Variants in SHTN1 observed in about 807,000 individuals in gnomAD.
SHTN1 encodes shootin 1.
In SHTN1, 42 loss-of-function variants were observed where a neutral mutation model predicts 83.1. That is an observed-to-expected ratio of 0.51 (90% CI 0.39 to 0.65). SHTN1 has a LOEUF of 0.65. Among genes scored for constraint, SHTN1 ranks in the 30% least tolerant of loss-of-function variants. The pLI, the probability that SHTN1 is intolerant of heterozygous loss-of-function variation, is 0.00. For synonymous variants in SHTN1, 224 were observed against 247.7 expected, an observed-to-expected ratio of 0.90 and a Z score of 0.90; for missense variants, 622 against 737.8, an observed-to-expected ratio of 0.84 and a Z score of 1.82.
intron 1 of SHTN1, among the ~76,000 whole-genome samples, chr10:116,994,880 T>A (rs1481328085): frequency 1.3e-5 from 2 of 152,106 alleles, no homozygotes; most frequent in Non-Finnish European, 2.9e-5. Context: ...ATAAACCCAT[T>A]AGGTTTATTC....
chr10:117,094,356 A>C (rs1428195497), intron 1 of SHTN1, among the ~76,000 whole-genome samples: 1 of 152,194 alleles, frequency 6.6e-6, no homozygotes, highest in Non-Finnish European at 1.5e-5. Flanking sequence ...CTTGCAAAAA[A>C]ATGTTTAATT....
intron 1 of SHTN1, among the ~76,000 whole-genome samples, chr10:117,048,848 C>T (rs1478932541): frequency 6.6e-6 from 1 of 152,092 alleles, no homozygotes; most frequent in African/African-American, 2.4e-5. Context: ...TGGACTTTGC[C>T]CTCTTTAAAA....
chr10:116,897,645 T>G (rs1156435028), intron 16 of SHTN1, among the ~76,000 whole-genome samples: 2 of 152,228 alleles, frequency 1.3e-5, no homozygotes, highest in Non-Finnish European at 2.9e-5. Flanking sequence ...TAAAATGCTT[T>G]TCCTATATGA....
chr10:117,054,324 G>A (rs1589913397), intron 1 of SHTN1, among the ~76,000 whole-genome samples: 1 of 151,980 alleles, frequency 6.6e-6, no homozygotes, highest in East Asian at 1.9e-4. Flanking sequence ...GGCCATGCAA[G>A]TCATGCCTGT....
In SHTN1 at chr10:116,980,081, C is replaced by T. The variant is rs574873764; in HGVS notation, c.59-773G>A. On this transcript the variant is annotated intron_variant, in intron 1 of 16. Transcript: ENST00000355371. ...ATTGCCCCTGCCCAGAAAAAAAAAACGAAACCTAAATCCCCACATTCATCT... is the reference window on the plus strand; with the variant it reads ...ATTGCCCCTGCCCAGAAAAAAAAAATGAAACCTAAATCCCCACATTCATCT... Among the ~76,000 whole-genome samples the T allele has an allele frequency of 2.8e-4, 42 of 149,662 alleles. No individual in the cohort carries two copies. The South Asian group carries it at 8.3e-3, about 30-fold the overall frequency.
intron 13 of SHTN1, among the ~76,000 whole-genome samples, chr10:116,914,446 T>C (rs1049485557): frequency 8.0e-5 from 12 of 150,712 alleles, no homozygotes; most frequent in African/African-American, 2.4e-4. Flanking sequence ...CACTCTAGCC[T>C]GGCGACAGAG....
At chr10:117,067,999 T>C (rs537926142) in intron 1 of SHTN1, among the ~76,000 whole-genome samples, 1 of 152,206 alleles carries the variant, frequency 6.6e-6, no homozygotes, top group East Asian at 1.9e-4. Flanking sequence ...CAAAGCATCT[T>C]TGAGGCCTCC....
At chr10:117,040,890 G>A (rs558636009) in intron 2 of SHTN1, among the ~76,000 whole-genome samples, 1 of 151,260 alleles carries the variant, frequency 6.6e-6, no homozygotes, top group South Asian at 2.1e-4. Context: ...AAATAGTTTT[G>A]TAATTTTATT....
intron 2 of SHTN1, among the ~76,000 whole-genome samples, chr10:117,012,152 A>G (rs540451267): frequency 5.2e-4 from 79 of 151,770 alleles, no homozygotes; most frequent in Middle Eastern, 3.4e-3. Flanking sequence ...AAAAAAAAAA[A>G]AGAGAAAAAG....
At chr10:117,016,325 T>C (rs926212222) in intron 2 of SHTN1, among the ~76,000 whole-genome samples, 14 of 152,210 alleles carry the variant, frequency 9.2e-5, no homozygotes, top group Non-Finnish European at 2.1e-4. Context: ...TGGATGCAAT[T>C]TTCTCTGTTC....
Position 117,066,156 on chromosome 10 carries a change from A to G in SHTN1, c.-188-17646T>C, listed in dbSNP as rs1448512509. ...CCATGTCTAACTAATAACAGGACCT[A>G]TGGAGTTCTTGTTTACTTTTGAAAA... On this transcript the variant is annotated intron_variant, in intron 1 of 17. Coordinates refer to the SHTN1 transcript ENST00000392901. Among the ~76,000 whole-genome samples, 3 of 152,204 alleles carry G rather than the reference A, an allele frequency of 2.0e-5. No homozygotes were observed. In the East Asian group the frequency reaches 5.8e-4, roughly 29 times the overall value.
intron 1 of SHTN1, among the ~76,000 whole-genome samples, chr10:117,068,405 T>G (rs1853034419): frequency 6.6e-6 from 1 of 152,070 alleles, no homozygotes; most frequent in Non-Finnish European, 1.5e-5. Context: ...CGATCTTTAC[T>G]GGGTCCGCCC....
At chr10:116,975,770 T>A (rs545785367) in intron 2 of SHTN1, among the ~76,000 whole-genome samples, 2 of 152,250 alleles carry the variant, frequency 1.3e-5, no homozygotes, top group East Asian at 3.9e-4. Context: ...CTTTTATCCT[T>A]GGGATGCATT....
chr10:116,897,463 T>A (rs1363404773), intron 16 of SHTN1, among the ~76,000 whole-genome samples: 1 of 152,116 alleles, frequency 6.6e-6, no homozygotes, highest in Non-Finnish European at 1.5e-5. Flanking sequence ...TTGCCTCAAT[T>A]TTGGATTAGA....
At chr10:117,121,776 T>G (rs1269153596) in intron 1 of SHTN1, among the ~76,000 whole-genome samples, 1 of 152,122 alleles carries the variant, frequency 6.6e-6, no homozygotes, top group Non-Finnish European at 1.5e-5. Flanking sequence ...CTCACGCCTG[T>G]AATCCCAGCA....
At chr10:117,090,251 G>A (rs919220625) in intron 1 of SHTN1, among the ~76,000 whole-genome samples, 1 of 152,152 alleles carries the variant, frequency 6.6e-6, no homozygotes, top group South Asian at 2.1e-4. Flanking sequence ...ATTCTGACAC[G>A]TGCTACAACA....
chr10:117,055,090 C>T (rs57389221), intron 1 of SHTN1, among the ~76,000 whole-genome samples: 2,565 of 152,166 alleles, frequency 0.017, 63 homozygotes, highest in East Asian at 0.12. Context: ...TCTTACATGG[C>T]AGCAGGAGAG....
rs143477875 is a variant in SHTN1 at position 116,884,868 on chromosome 10, G to A, written c.*1476C>T. 8.9e-4 allele frequency: 137 copies of A among 153,746 alleles called. No individual in the cohort carries two copies. The highest frequency in any genetic ancestry group is 1.7e-3 in the Non-Finnish European group (118 of 68,990). 9.5% of individuals were successfully genotyped at this position (153,746 alleles called of 1,614,324 possible). ...TTCAAATTACAGCATAACAGAATTCGTTTCGTGAATTAATGCAGTCTGTAG... is the reference window on the plus strand; with the variant it reads ...TTCAAATTACAGCATAACAGAATTCATTTCGTGAATTAATGCAGTCTGTAG... On this transcript the variant is annotated 3_prime_UTR_variant, in exon 17 of 17. Coordinates refer to ENST00000355371, the MANE Select transcript of SHTN1 (RefSeq NM_001127211.3).
chr10:116,899,244 G>A (rs992261006), intron 16 of SHTN1, among the ~76,000 whole-genome samples: 12 of 152,134 alleles, frequency 7.9e-5, no homozygotes, highest in Non-Finnish European at 1.8e-4. Context: ...AAGTTAGAAG[G>A]TGATAACTGC....
Sources: allele counts gnomAD v4.1 joint callset (sites outside exome capture counted in the v4.1 genomes callset), GRCh38; gene constraint gnomAD v4.1.1; transcripts MANE v1.5; gene names NCBI Gene and HGNC (gene_info 2026-07-23, HGNC 2026-07-21).